The following CORO2B variants were observed in gnomAD, a reference collection of about 807,000 sequenced individuals.
CORO2B encodes coronin-2B.
Under a neutral mutation model 58.8 loss-of-function variants are expected in CORO2B, and 26 were observed. The observed-to-expected ratio is 0.44, with a 90% CI of 0.32 to 0.61. CORO2B has a LOEUF of 0.61. Ranked by LOEUF, CORO2B falls within the 20% of genes least tolerant of loss-of-function variation. The pLI, the probability that CORO2B is intolerant of heterozygous loss-of-function variation, is 0.04. For missense variants in CORO2B, 460 were observed against 645.1 expected (o/e 0.71, Z 3.11); for synonymous variants, 242 against 253.8 (o/e 0.95, Z 0.44).
intron 1 of CORO2B, among the ~76,000 whole-genome samples, chr15:68,604,399 G>C (rs1900057271): frequency 1.3e-5 from 2 of 152,142 alleles, no homozygotes; most frequent in Admixed American, 1.3e-4. Context: ...TGGCTGAGGA[G>C]AGGAACCCTA....
At chr15:68,594,392 G>A (rs1019413830) in intron 1 of CORO2B, among the ~76,000 whole-genome samples, 2 of 152,308 alleles carry the variant, frequency 1.3e-5, no homozygotes, top group Non-Finnish European at 2.9e-5. Flanking sequence ...GGCGCTTTTG[G>A]TACAAGCTGA....
chr15:68,681,816 C>T (rs1902798683), intron 2 of CORO2B, among the ~76,000 whole-genome samples: 1 of 152,166 alleles, frequency 6.6e-6, no homozygotes, highest in South Asian at 2.1e-4. Context: ...AAAGCGGAGA[C>T]ATTGTTGAGG....
chr15:68,551,705 T>A, the CORO2B span, among the ~76,000 whole-genome samples: 1 of 152,324 alleles, frequency 6.6e-6, no homozygotes, highest in Non-Finnish European at 1.5e-5. Context: ...GCGCCTTCTA[T>A]CCTTTAGACT....
At chr15:68,677,122 T>C (rs1034377867) in intron 2 of CORO2B, among the ~76,000 whole-genome samples, 8 of 152,260 alleles carry the variant, frequency 5.3e-5, no homozygotes, top group East Asian at 1.9e-4. Flanking sequence ...CCGCCAGGCC[T>C]GGAGCCCCGG....
intron 1 of CORO2B, among the ~76,000 whole-genome samples, chr15:68,615,312 A>G (rs1900328662): frequency 6.6e-6 from 1 of 152,212 alleles, no homozygotes; most frequent in African/African-American, 2.4e-5. Flanking sequence ...ACAGAGAATC[A>G]GTCATTTTCC....
intron 2 of CORO2B, among the ~76,000 whole-genome samples, chr15:68,658,314 G>A (rs112731384): frequency 0.026 from 4,016 of 152,330 alleles, 181 homozygotes; most frequent in African/African-American, 0.089. Flanking sequence ...GGAGGAGGGC[G>A]AGATGCATGG....
intron 1 of CORO2B, among the ~76,000 whole-genome samples, chr15:68,588,420 G>T (rs1024029110): frequency 1.3e-5 from 2 of 152,154 alleles, no homozygotes; most frequent in African/African-American, 2.4e-5. Context: ...TAAAAATGTG[G>T]TGTCCTGCTT....
intron 2 of CORO2B, among the ~76,000 whole-genome samples, chr15:68,681,773 T>G (rs1902796705): frequency 6.6e-6 from 1 of 152,078 alleles, no homozygotes; most frequent in African/African-American, 2.4e-5. Context: ...GTGGCCCAAA[T>G]CTCTGTCTCT....
chr15:68,586,822 T>C (rs1245532152), intron 1 of CORO2B, among the ~76,000 whole-genome samples: 1 of 152,108 alleles, frequency 6.6e-6, no homozygotes, highest in African/African-American at 2.4e-5. Flanking sequence ...CCTACCCCGA[T>C]GCCTCACGGA....
intron 2 of CORO2B, among the ~76,000 whole-genome samples, chr15:68,689,074 C>T (rs1346029782): frequency 6.6e-6 from 1 of 151,750 alleles, no homozygotes; most frequent in East Asian, 2.0e-4. Flanking sequence ...ACTCAGGGTA[C>T]ACAACAGCTG....
At chr15:68,605,844 C>T (rs1900105839) in intron 1 of CORO2B, among the ~76,000 whole-genome samples, 1 of 150,626 alleles carries the variant, frequency 6.6e-6, no homozygotes, top group Non-Finnish European at 1.5e-5. Context: ...CCTGCCTTGG[C>T]CTCCTGAGTA....
At chr15:68,607,572 C>A (rs1900157032) in intron 1 of CORO2B, among the ~76,000 whole-genome samples, 1 of 152,164 alleles carries the variant, frequency 6.6e-6, no homozygotes, top group Admixed American at 6.5e-5. Context: ...GATCCCAACA[C>A]TTCAGGAGAC....
At chr15:68,642,292 T>G (rs879433431) in intron 1 of CORO2B, among the ~76,000 whole-genome samples, 3 of 152,052 alleles carry the variant, frequency 2.0e-5, no homozygotes, top group Admixed American at 2.0e-4. Context: ...TGAATCTAGG[T>G]GTGCGTGGCT....
At chr15:68,701,582 T>C (rs1286065964) in intron 3 of CORO2B, among the ~76,000 whole-genome samples, 1 of 142,568 alleles carries the variant, frequency 7.0e-6, no homozygotes, top group African/African-American at 2.6e-5. Context: ...GCCTCCCGGG[T>C]TCACGCCATT....
At chr15:68,679,201 C>A (rs929680366) in intron 2 of CORO2B, among the ~76,000 whole-genome samples, 2 of 152,238 alleles carry the variant, frequency 1.3e-5, no homozygotes, top group Admixed American at 1.3e-4. Context: ...TCTTATTCAT[C>A]TCTAGGTGGC....
intron 3 of CORO2B, among the ~76,000 whole-genome samples, chr15:68,698,856 G>A (rs552428423): frequency 6.6e-6 from 1 of 152,154 alleles, no homozygotes; most frequent in African/African-American, 2.4e-5. Flanking sequence ...TAGTAGAGGC[G>A]CAGAGGGGCA....
chr15:68,724,152 A>G (rs1439941243), intron 11 of CORO2B, among the ~76,000 whole-genome samples: 2 of 152,226 alleles, frequency 1.3e-5, no homozygotes, highest in Non-Finnish European at 2.9e-5. Context: ...CAGTGAGCCA[A>G]GATCGCGCCA....
At chr15:68,535,153 G>A in the CORO2B span, among the ~76,000 whole-genome samples, 150 of 152,296 alleles carry the variant, frequency 9.8e-4, no homozygotes, top group African/African-American at 3.5e-3. Context: ...CCACCCCGAG[G>A]AAGGATCATT....
intron 1 of CORO2B, among the ~76,000 whole-genome samples, chr15:68,615,851 G>T (rs1394842013): frequency 1.3e-5 from 2 of 152,136 alleles, no homozygotes; most frequent in Admixed American, 1.3e-4. Context: ...TCAGTTTATG[G>T]TATTTTGCTA....
Sources: gnomAD v4.1 joint callset for allele counts (sites outside exome capture counted in the v4.1 genomes callset) on GRCh38, gnomAD v4.1.1 for gene constraint, MANE v1.5 for transcripts, NCBI Gene and HGNC (gene_info 2026-07-23, HGNC 2026-07-21) for gene names.